The following AHCYL1 variants were observed in gnomAD, a reference collection of about 807,000 sequenced individuals.
AHCYL1 encodes the protein S-adenosylhomocysteine hydrolase-like protein 1.
Under a neutral mutation model 79.3 loss-of-function variants are expected in AHCYL1, and 20 were observed. The observed-to-expected ratio is 0.25, with a 90% CI of 0.18 to 0.37. The LOEUF is 0.37. Ranked by LOEUF, AHCYL1 falls within the 10% of genes least tolerant of loss-of-function variation. The pLI is 1.00. For missense variants in AHCYL1, 330 were observed against 673.6 expected, an observed-to-expected ratio of 0.49 and a Z score of 5.65; for synonymous variants, 223 against 242.2, an observed-to-expected ratio of 0.92 and a Z score of 0.74.
chr1:110,013,969 T>C lies in AHCYL1; in HGVS notation c.581-794T>C, dbSNP rs1651241908. Among the ~76,000 whole-genome samples the C allele has an allele frequency of 1.3e-5, 2 of 151,322 alleles. 1 individual carries two copies. Among genetic ancestry groups the C allele is most frequent in the South Asian group, 4.2e-4 (2 of 4,780 alleles). The stretch of plus-strand genomic sequence containing the variant: ...TGGCATGCCACCACACCCAGCTAAT[T>C]TTTGTATTTTTAGTAGAGATGGGGT... On this transcript the variant is annotated intron_variant, in intron 5 of 16. Transcript: ENST00000369799.
In AHCYL1 at chr1:110,021,821, C is replaced by G. The variant is rs1027997080; in HGVS notation, c.*141C>G. On this transcript the variant is annotated 3_prime_UTR_variant, in exon 17 of 17. Coordinates refer to ENST00000369799, the MANE Select transcript of AHCYL1 (RefSeq NM_006621.7). ...CATTCTTGTTTTTTCATCTCATTAT[C>G]CAAGTTCTGCAGACCACACAGGAAC... 15 of 889,708 alleles carry G rather than the reference C, an allele frequency of 1.7e-5. No individual in the cohort carries two copies. In the African/African-American group the frequency reaches 2.2e-4, roughly 13 times the overall value. 55.1% of individuals were successfully genotyped at this position (889,708 alleles called of 1,614,324 possible).
At chr1:109,994,114 G>A (rs1473620388) in intron 1 of AHCYL1, among the ~76,000 whole-genome samples, 3 of 152,170 alleles carry the variant, frequency 2.0e-5, no homozygotes, top group African/African-American at 7.2e-5. Flanking sequence ...TAGAATTACA[G>A]TCTTCTGGGA....
intron 15 of AHCYL1, 108 bp from the exon 16 acceptor site, chr1:110,020,623 C>T: frequency 1.5e-6 from 2 of 1,363,340 alleles, no homozygotes; most frequent in South Asian, 1.5e-5. Context: ...CAGAGTTATT[C>T]CATCCCTTGT....
chr1:109,995,453 C>T (rs1225870915), intron 1 of AHCYL1, among the ~76,000 whole-genome samples: 1 of 152,206 alleles, frequency 6.6e-6, no homozygotes, highest in African/African-American at 2.4e-5. Context: ...GTCATGTTCT[C>T]CTAACCCCTA....
Position 110,021,753 on chromosome 1 carries a change from T to C in AHCYL1, c.*73T>C. On this transcript the variant is annotated 3_prime_UTR_variant, in exon 17 of 17. Coordinates refer to ENST00000369799, the MANE Select transcript of AHCYL1 (RefSeq NM_006621.7). ...GAAATATTTTTTAAGATAACTTTTA[T>C]TTTCTTCTTACTCCTTTCCTCTTGA... 2 of 1,484,960 alleles carry C rather than the reference T, an allele frequency of 1.3e-6. No homozygotes were observed. Among genetic ancestry groups the C allele is most frequent in the Non-Finnish European group, 1.9e-6 (2 of 1,079,612 alleles). 92.0% of individuals were successfully genotyped at this position (1,484,960 alleles called of 1,614,324 possible).
chr1:110,008,022 G>GTTT (rs5776999), intron 1 of AHCYL1, among the ~76,000 whole-genome samples: 1 of 87,478 alleles, frequency 1.1e-5, no homozygotes, highest in Non-Finnish European at 2.3e-5. Flanking sequence ...TTTTTTTTGG[G>GTTT]TTTTTTTTTT....
intron 9 of AHCYL1, 26 bp downstream of exon 9, chr1:110,016,756 T>C (rs756548235): frequency 2.5e-6 from 4 of 1,613,440 alleles, no homozygotes; most frequent in African/African-American, 2.7e-5. Context: ...TCAGTGTCTC[T>C]TTCTTTTTGT....
chr1:110,000,866 G>C (rs2101708072), intron 1 of AHCYL1: 1 of 779,240 alleles, frequency 1.3e-6, no homozygotes, highest in East Asian at 1.3e-4. Context: ...ATGCAACATT[G>C]AAAGGATTCT....
chr1:110,009,597 C>G (rs909404391), intron 2 of AHCYL1, among the ~76,000 whole-genome samples: 2 of 152,216 alleles, frequency 1.3e-5, no homozygotes, highest in African/African-American at 4.8e-5. Flanking sequence ...ATTTTGGCTT[C>G]TCTTATTTAT....
intron 1 of AHCYL1, among the ~76,000 whole-genome samples, chr1:109,987,976 T>G (rs932765477): frequency 3.9e-5 from 6 of 152,218 alleles, no homozygotes; most frequent in African/African-American, 1.4e-4. Context: ...TATATTTATA[T>G]TCTTTCTTCA....
intron 1 of AHCYL1, among the ~76,000 whole-genome samples, chr1:110,007,172 C>T (rs908293035): frequency 1.3e-5 from 2 of 152,152 alleles, no homozygotes; most frequent in Admixed American, 6.5e-5. Context: ...CACCCTCACC[C>T]TCCATGTACC....
intron 1 of AHCYL1, among the ~76,000 whole-genome samples, chr1:110,002,064 CAA>C (rs1392145890): frequency 6.6e-6 from 1 of 152,044 alleles, no homozygotes; most frequent in African/African-American, 2.4e-5. Context: ...ACATTAGAGA[CAA>C]GACATACAAT....
Position 110,018,663 on chromosome 1 carries a change from A to AAGG in AHCYL1, c.1317+15_1317+17dup. ...CCTCCTGGCAGAGGTACACACAGAGAAGGACCCTGGCAGAGCAGCACAAGC... is the reference window on the plus strand; with the variant it reads ...CCTCCTGGCAGAGGTACACACAGAGAAGGAGGACCCTGGCAGAGCAGCACAAGC... On this transcript the variant is annotated intron_variant, in intron 13 of 16. Transcript: ENST00000369799. 6.2e-7 allele frequency: 1 copy of AAGG among 1,609,978 alleles called. No individual in the cohort carries two copies.
rs528245497 is a variant in AHCYL1, at chr1:109,995,322, C to T, written c.120+10150C>T. On this transcript the variant is annotated intron_variant, in intron 1 of 16. Transcript: ENST00000369799. ...AATTCTGTACATTCTTTTCTTACTCCGCAGCGAGGGGATTAGCTGAGCACT... is the reference window on the plus strand; with the variant it reads ...AATTCTGTACATTCTTTTCTTACTCTGCAGCGAGGGGATTAGCTGAGCACT... 3.2e-4 allele frequency among the ~76,000 whole-genome samples: 49 copies of T among 152,234 alleles called. No homozygotes were observed. In the South Asian group the frequency reaches 6.4e-3, roughly 20 times the overall value.
chr1:110,020,878 GCT>G, intron 16 of AHCYL1, 27 bp downstream of exon 16: 1 of 1,604,586 alleles, frequency 6.2e-7, no homozygotes, highest in Non-Finnish European at 8.5e-7. Context: ...CAAGTGAAAA[GCT>G]CTTTTTCCCA....
chr1:110,016,201 A>G, intron 7 of AHCYL1, 143 bp from the exon 8 acceptor site: 1 of 585,890 alleles, frequency 1.7e-6, no homozygotes, highest in East Asian at 2.9e-5. Context: ...GGAAATAATC[A>G]TGTTTTCTAA....
At chr1:109,995,486 G>C (rs1649985868) in intron 1 of AHCYL1, among the ~76,000 whole-genome samples, 1 of 152,194 alleles carries the variant, frequency 6.6e-6, no homozygotes, top group Non-Finnish European at 1.5e-5. Flanking sequence ...TGGATTGTCT[G>C]TTCCTAACAG....
intron 15 of AHCYL1, 64 bp from the exon 16 acceptor site, chr1:110,020,667 G>A: frequency 6.7e-7 from 1 of 1,498,320 alleles, no homozygotes; most frequent in South Asian, 1.4e-5. Flanking sequence ...ATGAAAATGG[G>A]AAGTTATAAC....
intron 1 of AHCYL1, among the ~76,000 whole-genome samples, chr1:109,993,490 T>A (rs7548583): frequency 0.077 from 11,790 of 152,270 alleles, 1,344 homozygotes; most frequent in African/African-American, 0.25. Flanking sequence ...AATCATTCCT[T>A]GGAGAAAGTA....
Sources: gnomAD v4.1 joint callset for allele counts (sites outside exome capture counted in the v4.1 genomes callset) on GRCh38, gnomAD v4.1.1 for gene constraint, MANE v1.5 for transcripts, NCBI Gene and HGNC (gene_info 2026-07-23, HGNC 2026-07-21) for gene names.